The following RYR2 variants were observed in gnomAD, a reference collection of about 807,000 sequenced individuals.
The protein encoded by RYR2 is ryanodine receptor 2.
Under a neutral mutation model 601.1 loss-of-function variants are expected in RYR2, and 227 were observed. The ratio of observed to expected loss-of-function variants is 0.38; its 90% CI spans 0.34 to 0.42. RYR2 has a LOEUF of 0.42. Among genes scored for constraint, RYR2 ranks in the 10% least tolerant of loss-of-function variants. The probability of loss-of-function intolerance (pLI) is 1.00; values close to 1 mark genes in which losing one functional copy is unlikely to be tolerated. For missense variants in RYR2, 4,646 were observed against 6,156.5 expected (o/e 0.75, Z 8.21); for synonymous variants, 2,223 against 2,175.1 (o/e 1.02, Z -0.61).
intron 24 of RYR2, among the ~76,000 whole-genome samples, chr1:237,517,185 G>A (rs1303048196): frequency 6.6e-6 from 1 of 151,936 alleles, no homozygotes; most frequent in African/African-American, 2.4e-5. Context: ...TCACTATTCT[G>A]TTCCCTTTGC....
At chr1:237,566,430 A>G in intron 27 of RYR2, 137 bp from the exon 28 acceptor site, 1 of 865,328 alleles carries the variant, frequency 1.2e-6, no homozygotes, top group Non-Finnish European at 1.7e-6. Context: ...AGAAGATAAG[A>G]AGGTATCATT....
At chr1:237,250,573 G>T (rs6428999) in intron 1 of RYR2, among the ~76,000 whole-genome samples, 8 of 151,896 alleles carry the variant, frequency 5.3e-5, no homozygotes, top group African/African-American at 1.9e-4. Context: ...TCCCTGTCTC[G>T]TATTCCTCAA....
At chr1:237,465,586 G>C (rs1238886234) in intron 16 of RYR2, among the ~76,000 whole-genome samples, 1 of 152,150 alleles carries the variant, frequency 6.6e-6, no homozygotes, top group Non-Finnish European at 1.5e-5. Context: ...ATAGCCTATT[G>C]CACAGCTACG....
intron 1 of RYR2, among the ~76,000 whole-genome samples, chr1:237,095,331 C>T (rs992745546): frequency 6.6e-6 from 1 of 152,148 alleles, no homozygotes; most frequent in Non-Finnish European, 1.5e-5. Flanking sequence ...GTACCACACG[C>T]TTCAATGGTA....
chr1:237,272,297 G>A (rs959980366), intron 2 of RYR2, among the ~76,000 whole-genome samples: 2 of 151,620 alleles, frequency 1.3e-5, no homozygotes, highest in Middle Eastern at 3.2e-3. Context: ...GGGCGATAGA[G>A]GCAAAGGATA....
At chr1:237,433,449 G>A (rs1392003854) in intron 12 of RYR2, among the ~76,000 whole-genome samples, 1 of 152,000 alleles carries the variant, frequency 6.6e-6, no homozygotes, top group African/African-American at 2.4e-5. Flanking sequence ...AAGCAGCATT[G>A]AACTTATAAT....
In RYR2 at chr1:237,214,449, A is replaced by G. The variant is rs74934260; in HGVS notation, c.49-56048A>G. On this transcript the variant is annotated intron_variant, in intron 1 of 104. Transcript: ENST00000366574. ...ATTGCAGAAGGGCATAGAGGACCAG[A>G]GCAGGCATCACATGGAGAGAGGAAG... is the stretch of plus-strand genomic sequence containing the variant. 4.7e-3 allele frequency among the ~76,000 whole-genome samples: 716 copies of G among 152,268 alleles called. 4 individuals are homozygous for G. The highest frequency in any genetic ancestry group is 8.1e-3 in the Non-Finnish European group (554 of 68,024).
intron 1 of RYR2, among the ~76,000 whole-genome samples, chr1:237,210,842 TTCC>T (rs1222684016): frequency 2.6e-5 from 4 of 152,202 alleles, no homozygotes; most frequent in African/African-American, 9.7e-5. Flanking sequence ...TTCAGGGTGA[TTCC>T]TCAGGGATTG....
intron 29 of RYR2, among the ~76,000 whole-genome samples, chr1:237,571,249 A>G (rs1386179056): frequency 6.6e-6 from 1 of 151,880 alleles, no homozygotes; most frequent in Non-Finnish European, 1.5e-5. Flanking sequence ...ATATATTTGC[A>G]TATATATAGT....
rs543139966 is a variant in RYR2 at position 237,519,588 on chromosome 1, G to T, written c.2822+7797G>T. Among the ~76,000 whole-genome samples the T allele has an allele frequency of 2.0e-4, 30 of 152,142 alleles. No homozygotes were observed. In the South Asian group the frequency reaches 3.5e-3, roughly 18 times the overall value. ...GGCTTTGTGAAAGCCAACAAATATG[G>T]CTGTAAGTATGTAGCTTTATTTCTG... is the stretch of plus-strand genomic sequence containing the variant. On this transcript the variant is annotated intron_variant, in intron 24 of 104. Transcript: ENST00000366574.
At chr1:237,294,663 G>A (rs1692576678) in intron 2 of RYR2, among the ~76,000 whole-genome samples, 2 of 152,084 alleles carry the variant, frequency 1.3e-5, no homozygotes, top group African/African-American at 4.8e-5. Flanking sequence ...GTGTGTGTAT[G>A]CACACACGCA....
chr1:237,097,652 T>A (rs1047402257), intron 1 of RYR2, among the ~76,000 whole-genome samples: 2 of 152,234 alleles, frequency 1.3e-5, no homozygotes, highest in Admixed American at 6.5e-5. Context: ...AAAGCAACTT[T>A]AATTTTTTGG....
chr1:237,317,358 G>A (rs1695213301), intron 2 of RYR2, among the ~76,000 whole-genome samples: 2 of 152,126 alleles, frequency 1.3e-5, no homozygotes, highest in African/African-American at 4.8e-5. Context: ...CCATCCTGAT[G>A]GGGAAATGAT....
intron 25 of RYR2, among the ~76,000 whole-genome samples, chr1:237,531,616 G>A (rs988571635): frequency 6.6e-6 from 1 of 152,142 alleles, no homozygotes; most frequent in Non-Finnish European, 1.5e-5. Context: ...TGCTTTTGCT[G>A]TGCAAATGCA....
intron 10 of RYR2, among the ~76,000 whole-genome samples, chr1:237,406,973 A>G (rs1703965322): frequency 6.6e-6 from 1 of 152,172 alleles, no homozygotes; most frequent in Admixed American, 6.5e-5. Context: ...TGCTCTCAAA[A>G]TTCCCTGTTC....
At position 237,377,237 on chromosome 1, in the gene RYR2, A is replaced by G; in HGVS notation, c.464-86A>G. 2 of 874,098 alleles carry G rather than the reference A, an allele frequency of 2.3e-6. 1 individual carries two copies. Among genetic ancestry groups the G allele is most frequent in the South Asian group, 4.1e-5 (2 of 49,102 alleles). 54.1% of individuals were successfully genotyped at this position (874,098 alleles called of 1,614,324 possible). On this transcript the variant is annotated intron_variant, in intron 7 of 104. Transcript: ENST00000366574. ...TTTGCATTAATTCCGGATTTCTGAA[A>G]GTTGTGTGTTGGGAATCATTGGCAA...
chr1:237,403,643 C>A (rs1367298811), intron 10 of RYR2, among the ~76,000 whole-genome samples: 3 of 152,110 alleles, frequency 2.0e-5, no homozygotes, highest in African/African-American at 4.8e-5. Flanking sequence ...CCAGGGTGGT[C>A]TTGAATTTCT....
At chr1:237,457,587 T>C (rs908408507) in intron 16 of RYR2, among the ~76,000 whole-genome samples, 1 of 152,214 alleles carries the variant, frequency 6.6e-6, no homozygotes, top group Non-Finnish European at 1.5e-5. Flanking sequence ...AGATGACACC[T>C]GCACATGCAG....
At chr1:237,126,952 C>T (rs1297399025) in intron 1 of RYR2, among the ~76,000 whole-genome samples, 8 of 151,620 alleles carry the variant, frequency 5.3e-5, no homozygotes, top group Non-Finnish European at 7.4e-5. Flanking sequence ...TGTTTGTGTC[C>T]CTGGGTACTT....
Sources: gnomAD v4.1 joint callset for allele counts (sites outside exome capture counted in the v4.1 genomes callset) on GRCh38, gnomAD v4.1.1 for gene constraint, MANE v1.5 for transcripts, NCBI Gene and HGNC (gene_info 2026-07-23, HGNC 2026-07-21) for gene names.